The following SMOC1 variants were observed in gnomAD, a reference collection of about 807,000 sequenced individuals.
SMOC1 encodes the protein SPARC-related modular calcium-binding protein 1.
In SMOC1, 22 loss-of-function variants were observed where a neutral mutation model predicts 56.3. The ratio of observed to expected loss-of-function variants is 0.39; its 90% CI spans 0.28 to 0.56. SMOC1 has a LOEUF of 0.56. SMOC1 is among the 20% of genes least tolerant of loss of function. The pLI is 0.61. For missense variants in SMOC1, 509 were observed against 565.4 expected (o/e 0.90, Z 1.01); for synonymous variants, 193 against 215.0 (o/e 0.90, Z 0.89).
At chr14:69,932,538 G>C (rs537694952) in intron 1 of SMOC1, among the ~76,000 whole-genome samples, 1 of 152,318 alleles carries the variant, frequency 6.6e-6, no homozygotes, top group Non-Finnish European at 1.5e-5. Context: ...GGTGCCATTT[G>C]GGCTTCAGAT....
At chr14:69,906,414 G>C (rs1274502739) in intron 1 of SMOC1, among the ~76,000 whole-genome samples, 3 of 151,864 alleles carry the variant, frequency 2.0e-5, no homozygotes, top group Non-Finnish European at 4.4e-5. Context: ...AACAGCCTCA[G>C]CTGATGTCCC....
In SMOC1 at chr14:70,023,312, C is replaced by T. The variant is rs370605208; in HGVS notation, c.1156C>T (p.Pro386Ser). 1.1e-5 allele frequency: 17 copies of T among 1,614,040 alleles called. No homozygotes were observed. The highest frequency in any genetic ancestry group is 1.4e-5 in the Non-Finnish European group (17 of 1,180,036). The change falls in exon 11 of 12, where the codon CCC becomes TCC. Residue 386 changes from proline to serine, a missense_variant. Transcript: ENST00000361956. ...CGACATTAACAAGCGGGAGATGAAG[C>T]CCTTCAAGCGCTACGTGAAGAAGAA... The part of the protein sequence containing the change: ...SNDINKREMK[P>S]FKRYVKKKAK...
chr14:70,014,023 A>G (rs1328511963), intron 10 of SMOC1, among the ~76,000 whole-genome samples: 2 of 152,230 alleles, frequency 1.3e-5, no homozygotes, highest in African/African-American at 4.8e-5. Context: ...TCCTGATGTG[A>G]GGCTGAAATG....
chr14:69,976,080 A>C (rs1883941759), intron 4 of SMOC1, among the ~76,000 whole-genome samples: 1 of 152,238 alleles, frequency 6.6e-6, no homozygotes, highest in Non-Finnish European at 1.5e-5. Flanking sequence ...GTAATCTCAT[A>C]GAGCTGTGGT....
At chr14:69,970,871 G>A (rs1267665130) in intron 3 of SMOC1, among the ~76,000 whole-genome samples, 3 of 152,174 alleles carry the variant, frequency 2.0e-5, no homozygotes, top group Non-Finnish European at 4.4e-5. Context: ...ATTCAGATCT[G>A]TCTTTATCTG....
intron 1 of SMOC1, among the ~76,000 whole-genome samples, chr14:69,934,869 T>G (rs1885256507): frequency 6.6e-6 from 1 of 152,196 alleles, no homozygotes; most frequent in Non-Finnish European, 1.5e-5. Flanking sequence ...TTGCTCAACT[T>G]TTCTGAGTCT....
At chr14:69,986,504 C>T (rs1214702280) in intron 5 of SMOC1, among the ~76,000 whole-genome samples, 1 of 152,118 alleles carries the variant, frequency 6.6e-6, no homozygotes, top group East Asian at 1.9e-4. Context: ...AAGAGCTTAC[C>T]CATATCATTA....
At chr14:70,018,654 G>A (rs1028934288) in intron 10 of SMOC1, among the ~76,000 whole-genome samples, 15 of 152,152 alleles carry the variant, frequency 9.9e-5, no homozygotes, top group African/African-American at 2.9e-4. Context: ...GATCTCAGCC[G>A]GCAGAGTCTT....
chr14:70,023,273 A>G lies in SMOC1; in HGVS notation c.1117A>G (p.Ser373Gly), dbSNP rs774577593. 6.2e-6 allele frequency: 10 copies of G among 1,614,198 alleles called. No individual in the cohort carries two copies. Among genetic ancestry groups the G allele is most frequent in the Non-Finnish European group, 8.5e-6 (10 of 1,180,034 alleles). Reference protein sequence around the residue: ...VVHWYFSQLDSNSSNDINKRE... With the variant: ...VVHWYFSQLDGNSSNDINKRE... ...GCACTGGTATTTCAGCCAGCTGGACAGCAATAGCAGCAACGACATTAACAA... is the reference window on the plus strand; with the variant it reads ...GCACTGGTATTTCAGCCAGCTGGACGGCAATAGCAGCAACGACATTAACAA... The change falls in exon 11 of 12, where the codon AGC (serine) becomes GGC (glycine). Residue 373 changes from serine to glycine, a missense_variant. This residue lies in a region of SMOC1 where 176 missense variants were observed against 188.1 expected (regional missense o/e 0.94). Transcript: ENST00000361956.
At chr14:70,027,596 G>A (rs532962274) in intron 11 of SMOC1, among the ~76,000 whole-genome samples, 6 of 152,304 alleles carry the variant, frequency 3.9e-5, no homozygotes, top group Non-Finnish European at 8.8e-5. Flanking sequence ...GCTGGAGTAA[G>A]TGCAGAGGCC....
intron 1 of SMOC1, among the ~76,000 whole-genome samples, chr14:69,903,823 C>T (rs1433206131): frequency 6.6e-6 from 1 of 151,750 alleles, no homozygotes; most frequent in Non-Finnish European, 1.5e-5. Flanking sequence ...ACTTGTTTAT[C>T]TGCTTACCTT....
At position 69,953,530 on chromosome 14, in the gene SMOC1, C is replaced by T. The variant is rs1883081364; in HGVS notation, c.376C>T (p.Gln126Ter). The T allele has an allele frequency of 6.2e-7, 1 of 1,613,326 alleles. No individual in the cohort carries two copies. The change falls in exon 3 of 12, where the codon CAG becomes TAG. Residue 126 changes from glutamine to a stop codon, truncating the protein, a stop_gained and splice_region_variant. Transcript: ENST00000361956. LOFTEE classifies it high-confidence loss of function. ...GTGTGGCGAGGATGGCTCCTTTACC[C>T]AGGTGAGGCCTCGGACAATCCTCTT... Reference protein sequence around the residue: ...PECGEDGSFTQVQCHTYTGYC... With the variant: ...PECGEDGSFT
intron 2 of SMOC1, 141 bp downstream of exon 2, chr14:69,952,444 C>T: frequency 2.1e-6 from 2 of 974,396 alleles, no homozygotes; most frequent in Middle Eastern, 3.2e-4. Flanking sequence ...TCCACCAGGG[C>T]CAAGGGAAGA....
At position 69,953,519 on chromosome 14, in the gene SMOC1, G is replaced by A; in HGVS notation, c.365G>A (p.Gly122Asp). 4 of 1,614,062 alleles carry A rather than the reference G, an allele frequency of 2.5e-6. No homozygotes were observed. The highest frequency in any genetic ancestry group is 3.4e-6 in the Non-Finnish European group (4 of 1,179,880). Residue 122 changes from glycine (G) to aspartate (D), a missense_variant, in exon 3 of 12, where the codon GGC (glycine) becomes GAC (aspartate). By Grantham distance (94) the Gly-to-Asp change is moderately conservative. Around this residue, in one of 3 missense-constraint regions of SMOC1, gnomAD observed 315 missense variants for 333.1 expected, o/e 0.95. Transcript: ENST00000361956. Reference sequence around the variant, plus strand: ...TTTGTCCCAGAGTGTGGCGAGGATGGCTCCTTTACCCAGGTGAGGCCTCGG... The same window carrying A: ...TTTGTCCCAGAGTGTGGCGAGGATGACTCCTTTACCCAGGTGAGGCCTCGG... ...AVFVPECGEDGSFTQVQCHTY... is the reference protein window; with the variant it reads ...AVFVPECGEDDSFTQVQCHTY...
chr14:69,931,980 C>T (rs1158690668), intron 1 of SMOC1, among the ~76,000 whole-genome samples: 2 of 152,154 alleles, frequency 1.3e-5, no homozygotes, highest in African/African-American at 2.4e-5. Flanking sequence ...GCGCAGGGAG[C>T]GGGGCACTGA....
intron 1 of SMOC1, among the ~76,000 whole-genome samples, chr14:69,883,418 C>T (rs141224600): frequency 1.3e-5 from 2 of 152,152 alleles, no homozygotes; most frequent in African/African-American, 4.8e-5. Context: ...CTTTTCTTAA[C>T]GTCCTCCAGG....
intron 7 of SMOC1, among the ~76,000 whole-genome samples, chr14:69,996,487 G>C (rs1242259412): frequency 6.6e-6 from 1 of 152,242 alleles, no homozygotes; most frequent in Non-Finnish European, 1.5e-5. Context: ...TCTGCATGTA[G>C]TAAAGTGGTG....
In SMOC1 at chr14:69,883,889, A is replaced by ATTTTTTTTTTTTT. The variant is rs34300667; in HGVS notation, c.99+4128_99+4140dup. Among the ~76,000 whole-genome samples, 2 of 66,644 alleles carry ATTTTTTTTTTTTT rather than the reference A, an allele frequency of 3.0e-5. 1 individual carries two copies. The highest frequency in any genetic ancestry group is 1.4e-4 in the African/African-American group (2 of 14,330). 43.7% of individuals were successfully genotyped at this position (66,644 alleles called of 152,430 possible). A position where few individuals can be genotyped will look rare whatever the true frequency, so the allele number is the denominator to read the frequency against. On this transcript the variant is annotated intron_variant, in intron 1 of 11. Transcript: ENST00000361956. ...TCCCTGATGATTAGTGATGTTGAGC[A>ATTTTTTTTTTTTT]TTTTTTTTTTTTTTTTTTTTTTTTT...
intron 5 of SMOC1, among the ~76,000 whole-genome samples, chr14:69,985,562 C>T (rs550793804): frequency 6.6e-6 from 1 of 152,186 alleles, no homozygotes; most frequent in Non-Finnish European, 1.5e-5. Flanking sequence ...CACGGCCAAC[C>T]ATGGTCTGAA....
Sources: gnomAD v4.1 joint callset for allele counts (sites outside exome capture counted in the v4.1 genomes callset) on GRCh38, gnomAD v4.1.1 for gene constraint, gnomAD v4.1.1 regional missense constraint, MANE v1.5 for transcripts, NCBI Gene and HGNC (gene_info 2026-07-23, HGNC 2026-07-21) for gene names.